FLT4: variants seen among roughly 807,000 people sequenced by gnomAD.
FLT4 encodes fms related receptor tyrosine kinase 4, also known as vascular endothelial growth factor receptor 3.
Under a neutral mutation model 163.2 loss-of-function variants are expected in FLT4, and 30 were observed. The ratio of observed to expected loss-of-function variants is 0.18; its 90% CI spans 0.14 to 0.25. FLT4 has a LOEUF of 0.25. FLT4 is among the 10% of genes least tolerant of loss of function. FLT4 has a pLI of 1.00. For synonymous variants in FLT4, 884 were observed against 789.5 expected (o/e 1.12, Z -2.01); for missense variants, 1,510 against 1,863.8 (o/e 0.81, Z 3.50).
At position 180,630,940 on chromosome 5, in the gene FLT4, G is replaced by C; in HGVS notation, c.156-141C>G. 9.4e-7 allele frequency: 1 copy of C among 1,067,714 alleles called. No homozygotes were observed. Among genetic ancestry groups the C allele is most frequent in the Non-Finnish European group, 1.3e-6 (1 of 761,882 alleles). 66.1% of individuals were successfully genotyped at this position (1,067,714 alleles called of 1,614,324 possible). A position where few individuals can be genotyped will look rare whatever the true frequency, so the allele number is the denominator to read the frequency against. Reference sequence around the variant, plus strand: ...GCCCAGGGTTTGGGCGCACACTACAGACCGTGCCCAGGGCAGGGCACTCCC... The same window carrying C: ...GCCCAGGGTTTGGGCGCACACTACACACCGTGCCCAGGGCAGGGCACTCCC... On this transcript the variant is annotated intron_variant, in intron 2 of 29. Transcript: ENST00000261937. This position sits in a 1 kb window ranked among gnomAD's most constrained non-coding sequence, Gnocchi z 6.3.
chr5:180,618,924 C>A lies in FLT4; in HGVS notation c.2851-4G>T, dbSNP rs778927018. The A allele has an allele frequency of 1.9e-6, 3 of 1,583,582 alleles. No individual in the cohort carries two copies. Among genetic ancestry groups the A allele is most frequent in the South Asian group, 1.1e-5 (1 of 87,178 alleles). ...CGCGCTGCTCGGGAGACTTCTCCTG[C>A]GGATGCACGAAGCTGGCTCGAGGGC... On this transcript the variant is annotated splice_polypyrimidine_tract_variant and splice_region_variant and intron_variant, in intron 20 of 29. Coordinates refer to ENST00000261937, the MANE Select transcript of FLT4 (RefSeq NM_182925.5).
chr5:180,616,855 G>T (rs775808937), intron 22 of FLT4, 45 bp downstream of exon 22: 1 of 1,456,356 alleles, frequency 6.9e-7, no homozygotes, highest in Non-Finnish European at 9.6e-7. Flanking sequence ...CGACTGGTGG[G>T]GATGCACCCT....
intron 1 of FLT4, among the ~76,000 whole-genome samples, chr5:180,637,255 G>C (rs947066654): frequency 3.2e-4 from 49 of 151,532 alleles, no homozygotes; most frequent in African/African-American, 1.1e-3. Context: ...GCTTGAACCT[G>C]GGAGGCAGAG....
At position 180,619,051 on chromosome 5, in the gene FLT4, G is replaced by A; in HGVS notation, c.2820C>T (p.Arg940=). 1 of 1,557,836 alleles carries A rather than the reference G, an allele frequency of 6.4e-7. No individual in the cohort carries two copies. The highest frequency in any genetic ancestry group is 1.4e-5 in the African/African-American group (1 of 72,438). The change falls in exon 20 of 30, where the codon CGC becomes CGT. Residue 940 remains arginine (R), a synonymous_variant. Coordinates refer to ENST00000261937, the MANE Select transcript of FLT4 (RefSeq NM_182925.5). ...AGGGGCTGAAGGCGTCCCGCTTGGC[G>A]CGCAGGAAGTTGGAGAGGTTGCCGT... ...CKYGNLSNFL[R]AKRDAFSPCA...
chr5:180,649,678 T>TCCCCGCG (rs1765654466), upstream of FLT4: 1 of 271,450 alleles, frequency 3.7e-6, no homozygotes, highest in African/African-American at 2.3e-5. Flanking sequence ...TTCAGGCCGC[T>TCCCCGCG]CCCCGCGCCC....
rs769584370 is a variant in FLT4, at chr5:180,623,957, T to C, written c.1526A>G (p.Glu509Gly). The C allele has an allele frequency of 6.2e-6, 10 of 1,613,532 alleles. No individual in the cohort carries two copies. Among genetic ancestry groups the C allele is most frequent in the Admixed American group, 1.7e-5 (1 of 60,014 alleles). Residue 509 changes from glutamate (E) to glycine (G), a missense_variant, in exon 11 of 30, where the codon GAG becomes GGG. This residue lies in a region of FLT4 where 878 missense variants were observed against 1,016.7 expected (regional missense o/e 0.86). Transcript: ENST00000261937. The surrounding 1 kb of genome is among the most constrained non-coding windows in gnomAD (Gnocchi z 5.8). ...NPIESLDTWT[E>G]FVEGKNKTVS... is the part of the protein sequence containing the mutation. ...TACCTTATTCTTTCCCTCCACAAAC[T>C]CGGTCCAGGTGTCCAGGCTCTCGAT...
chr5:180,623,884 C>T lies in FLT4; in HGVS notation c.1548+51G>A, dbSNP rs1192829385. 3.1e-6 allele frequency: 5 copies of T among 1,610,202 alleles called. No individual in the cohort carries two copies. The highest frequency in any genetic ancestry group is 4.2e-6 in the Non-Finnish European group (5 of 1,177,534). ...ACCACATGGCAGTAATGGCCTCTCT[C>T]TCCTCCCTTCTCCTTCTCCCTGGGC... On this transcript the variant is annotated intron_variant, in intron 11 of 29. Transcript: ENST00000261937. The surrounding 1 kb of genome is among the most constrained non-coding windows in gnomAD (Gnocchi z 5.8).
rs1762891221 is a variant in FLT4 at position 180,618,930 on chromosome 5, C to T, written c.2851-10G>A. ...GCTCGGGAGACTTCTCCTGCGGATGCACGAAGCTGGCTCGAGGGCGCCCAG... is the reference window on the plus strand; with the variant it reads ...GCTCGGGAGACTTCTCCTGCGGATGTACGAAGCTGGCTCGAGGGCGCCCAG... On this transcript the variant is annotated splice_polypyrimidine_tract_variant and intron_variant, in intron 20 of 29. Transcript: ENST00000261937. 1.3e-6 allele frequency: 2 copies of T among 1,581,228 alleles called. No homozygotes were observed. The highest frequency in any genetic ancestry group is 2.3e-5 in the East Asian group (1 of 43,458).
chr5:180,642,188 CAG>C (rs1561760361), intron 1 of FLT4, among the ~76,000 whole-genome samples: 1 of 148,058 alleles, frequency 6.8e-6, no homozygotes, highest in Non-Finnish European at 1.5e-5. Flanking sequence ...GCTTGGGCGA[CAG>C]AGTGAGACTC....
chr5:180,616,994 G>A lies in FLT4; in HGVS notation c.3002C>T (p.Ala1001Val). Reference protein sequence around the residue: ...GARRASPDQEAEDLWLSPLTM... With the variant: ...GARRASPDQEVEDLWLSPLTM... ...CAGCGGGCTCAGCCACAGGTCCTCA[G>A]CTACACAGTGGAGCCAGGTGGGCTC... is the stretch of plus-strand genomic sequence containing the variant. The change falls in exon 22 of 30, where the codon GCT (alanine) becomes GTT (valine). Residue 1001 changes from alanine (A) to valine (V), a missense_variant and splice_region_variant. Coordinates refer to ENST00000261937, the MANE Select transcript of FLT4 (RefSeq NM_182925.5). 6.2e-7 allele frequency: 1 copy of A among 1,612,402 alleles called. No individual in the cohort carries two copies. Among genetic ancestry groups the A allele is most frequent in the Non-Finnish European group, 8.5e-7 (1 of 1,179,368 alleles).
Position 180,630,915 on chromosome 5 carries a change from G to T in FLT4, c.156-116C>A, listed in dbSNP as rs1312969912. On this transcript the variant is annotated intron_variant, in intron 2 of 29. Transcript: ENST00000261937. The surrounding 1 kb of genome is among the most constrained non-coding windows in gnomAD (Gnocchi z 6.3). ...TTTGTCTTACCCAGAGCATGGAACT[G>T]CCCAGGGTTTGGGCGCACACTACAG... 22 of 1,301,198 alleles carry T rather than the reference G, an allele frequency of 1.7e-5. No homozygotes were observed. Among genetic ancestry groups the T allele is most frequent in the Non-Finnish European group, 2.3e-5 (22 of 966,396 alleles). 80.6% of individuals were successfully genotyped at this position (1,301,198 alleles called of 1,614,324 possible).
intron 1 of FLT4, among the ~76,000 whole-genome samples, chr5:180,645,331 C>T (rs1449620626): frequency 1.3e-5 from 2 of 152,212 alleles, no homozygotes; most frequent in South Asian, 2.1e-4. Flanking sequence ...TCCCAGCACA[C>T]GGCCGCCGTG....
chr5:180,632,729 G>A (rs903601367), intron 1 of FLT4, among the ~76,000 whole-genome samples: 13 of 152,122 alleles, frequency 8.5e-5, no homozygotes, highest in South Asian at 6.2e-4. Context: ...GGCTTCCTGC[G>A]TATGTGCAAA....
chr5:180,611,286 C>T, intron 27 of FLT4, 45 bp downstream of exon 27: 2 of 1,609,882 alleles, frequency 1.2e-6, no homozygotes, highest in Non-Finnish European at 1.7e-6. Flanking sequence ...ACCTTGTCCA[C>T]ATGGCTTTCT....
At chr5:180,608,310 G>C in intron 29 of FLT4, 1 of 700,856 alleles carries the variant, frequency 1.4e-6, no homozygotes, top group Non-Finnish European at 2.6e-6. Flanking sequence ...CCCGTCCCAT[G>C]ATCATGTGAC....
chr5:180,641,735 C>T (rs1410700874), intron 1 of FLT4, among the ~76,000 whole-genome samples: 3 of 152,234 alleles, frequency 2.0e-5, no homozygotes, highest in Admixed American at 1.3e-4. Context: ...CCTCACTGCA[C>T]ATCCTGCAGG....
At chr5:180,622,456 G>A (rs1208716480) in intron 12 of FLT4, among the ~76,000 whole-genome samples, 1 of 152,182 alleles carries the variant, frequency 6.6e-6, no homozygotes, top group Non-Finnish European at 1.5e-5. Context: ...GGAAGGGGAG[G>A]GTGGGAGTGG....
rs114756022 is a variant in FLT4, at chr5:180,629,453, G to A, written c.817-26C>T. 8.2e-4 allele frequency: 1,321 copies of A among 1,608,452 alleles called. 10 individuals are homozygous for A. The African/African-American group carries it at 0.015, about 18-fold the overall frequency. ...CTGCCCGCACCCAGGGAAGCCCCGC[G>A]TCAGCAGGCGGGCTCCTGCACAGCT... On this transcript the variant is annotated intron_variant, in intron 6 of 29. Coordinates refer to ENST00000261937, the MANE Select transcript of FLT4 (RefSeq NM_182925.5).
In FLT4 at chr5:180,621,709, G is replaced by T; in HGVS notation, c.1853C>A (p.Thr618Asn). 6.2e-7 allele frequency: 1 copy of T among 1,612,884 alleles called. No individual in the cohort carries two copies. The highest frequency in any genetic ancestry group is 1.1e-5 in the South Asian group (1 of 91,082). Reference sequence around the variant, plus strand: ...CTCCTCCAGGCTGGCGGCCAGAGGGGTGGCGAACAGATGCACGTTCTTGCA... The same window carrying T: ...CTCCTCCAGGCTGGCGGCCAGAGGGTTGGCGAACAGATGCACGTTCTTGCA... ...LDCKNVHLFA[T>N]PLAASLEEVA... The change falls in exon 13 of 30, where the codon ACC becomes AAC. Residue 618 changes from threonine (T) to asparagine (N), a missense_variant. By Grantham distance (65) the Thr-to-Asn change is moderately conservative. Transcript: ENST00000261937.
Sources: allele counts gnomAD v4.1 joint callset (sites outside exome capture counted in the v4.1 genomes callset), GRCh38; gene constraint gnomAD v4.1.1; regional missense constraint gnomAD v4.1.1; non-coding constraint Gnocchi (gnomAD v3.1); transcripts MANE v1.5; gene names NCBI Gene and HGNC (gene_info 2026-07-23, HGNC 2026-07-21).